The following SKAP1 variants were observed in gnomAD, a reference collection of about 807,000 sequenced individuals.
SKAP1 encodes src kinase associated phosphoprotein 1, also known as src kinase-associated phosphoprotein 1.
A neutral mutation model predicts 58.5 loss-of-function variants in SKAP1; 44 were observed. The observed-to-expected ratio is 0.75, with a 90% CI of 0.59 to 0.97. The LOEUF is 0.97. SKAP1 is among the 50% of genes least tolerant of loss of function. The pLI, the probability that SKAP1 is intolerant of heterozygous loss-of-function variation, is 0.00. For synonymous variants in SKAP1, 127 were observed against 149.7 expected (o/e 0.85, Z 1.11); for missense variants, 390 against 435.2 (o/e 0.90, Z 0.92).
At chr17:48,141,294 C>T (rs1344211430) in intron 11 of SKAP1, among the ~76,000 whole-genome samples, 1 of 152,250 alleles carries the variant, frequency 6.6e-6, no homozygotes, top group Non-Finnish European at 1.5e-5. Flanking sequence ...CAGCCAGACT[C>T]GCTCCCTACA....
At chr17:48,443,733 C>T in the SKAP1 span, among the ~76,000 whole-genome samples, 1 of 152,126 alleles carries the variant, frequency 6.6e-6, no homozygotes, top group Non-Finnish European at 1.5e-5. Context: ...ACCTTGGCCT[C>T]CCAAAATGTT....
intron 2 of SKAP1, among the ~76,000 whole-genome samples, chr17:48,393,798 T>C (rs1164998186): frequency 6.6e-6 from 1 of 152,150 alleles, no homozygotes; most frequent in Non-Finnish European, 1.5e-5. Flanking sequence ...ATAATTTACA[T>C]TTATCTAGTA....
intron 11 of SKAP1, among the ~76,000 whole-genome samples, chr17:48,144,387 T>G (rs1252827805): frequency 1.3e-5 from 2 of 152,192 alleles, no homozygotes; most frequent in Non-Finnish European, 2.9e-5. Flanking sequence ...AATTTCTACT[T>G]TGATGAATTG....
intron 4 of SKAP1, among the ~76,000 whole-genome samples, chr17:48,264,782 A>ACACACACACACACACACACACACACAC (rs1555609823): frequency 6.8e-6 from 1 of 146,972 alleles, no homozygotes; most frequent in Non-Finnish European, 1.5e-5. Flanking sequence ...ACACACACAC[A>ACACACACACACACACACACACACACAC]CCCTCCATCT....
intron 1 of SKAP1, among the ~76,000 whole-genome samples, chr17:48,421,656 T>C (rs553169799): frequency 6.6e-6 from 1 of 152,284 alleles, no homozygotes; most frequent in Non-Finnish European, 1.5e-5. Flanking sequence ...TTTCCTGATA[T>C]GCTCAGTCAT....
chr17:48,197,948 C>T (rs8071262), intron 4 of SKAP1, among the ~76,000 whole-genome samples: 126,453 of 152,138 alleles, frequency 0.83, 52,621 homozygotes, highest in East Asian at 0.95. Context: ...ATGAAAGTGT[C>T]AGGAAAAAGC....
At chr17:48,217,524 G>A (rs1399077933) in intron 4 of SKAP1, among the ~76,000 whole-genome samples, 1 of 152,146 alleles carries the variant, frequency 6.6e-6, no homozygotes, top group Non-Finnish European at 1.5e-5. Context: ...GTGTGCACCT[G>A]TAGTCCCAGC....
chr17:48,164,660 C>T (rs1227033826), intron 10 of SKAP1, among the ~76,000 whole-genome samples: 1 of 152,022 alleles, frequency 6.6e-6, no homozygotes, highest in African/African-American at 2.4e-5. Context: ...TATTAAAGGC[C>T]AAAAGAAGAC....
chr17:48,270,186 T>C (rs991362355), intron 4 of SKAP1, among the ~76,000 whole-genome samples: 3 of 152,188 alleles, frequency 2.0e-5, no homozygotes, highest in African/African-American at 7.2e-5. Flanking sequence ...TTAAACGATA[T>C]GGAAAACATA....
intron 1 of SKAP1, among the ~76,000 whole-genome samples, chr17:48,401,143 T>C (rs541160190): frequency 3.4e-4 from 52 of 152,082 alleles, no homozygotes; most frequent in African/African-American, 1.3e-3. Flanking sequence ...CTGTCTCTAC[T>C]AAAAATACAA....
chr17:48,355,398 C>A (rs920981893), intron 3 of SKAP1, among the ~76,000 whole-genome samples: 1 of 152,154 alleles, frequency 6.6e-6, no homozygotes, highest in Non-Finnish European at 1.5e-5. Context: ...CCACCCCAAC[C>A]TCCAAAGTAG....
intron 4 of SKAP1, among the ~76,000 whole-genome samples, chr17:48,250,110 C>A (rs1339891224): frequency 6.6e-6 from 1 of 150,402 alleles, no homozygotes; most frequent in Non-Finnish European, 1.5e-5. Flanking sequence ...TCATTTACTG[C>A]AATTTCATAA....
intron 11 of SKAP1, among the ~76,000 whole-genome samples, chr17:48,137,622 G>T (rs2063717366): frequency 6.6e-6 from 1 of 152,170 alleles, no homozygotes; most frequent in Admixed American, 6.5e-5. Context: ...GAATGGTATG[G>T]CTTCTTAGAG....
intron 4 of SKAP1, among the ~76,000 whole-genome samples, chr17:48,270,329 A>T (rs1052622868): frequency 1.1e-4 from 17 of 152,082 alleles, no homozygotes; most frequent in African/African-American, 2.9e-4. Context: ...AAAATTTTTT[A>T]AATTAATTTA....
chr17:48,282,148 T>C (rs541617908), intron 4 of SKAP1, among the ~76,000 whole-genome samples: 3 of 152,368 alleles, frequency 2.0e-5, no homozygotes, highest in African/African-American at 7.2e-5. Context: ...TAATACTTTC[T>C]TTTATGCCTT....
intron 11 of SKAP1, among the ~76,000 whole-genome samples, chr17:48,162,059 G>A (rs568033381): frequency 2.6e-5 from 4 of 152,098 alleles, no homozygotes; most frequent in African/African-American, 4.8e-5. Flanking sequence ...TCCGCCTCCC[G>A]GGTTCAAGCA....
chr17:48,138,517 G>GC (rs2063730496), intron 11 of SKAP1, among the ~76,000 whole-genome samples: 1 of 151,796 alleles, frequency 6.6e-6, no homozygotes, highest in Non-Finnish European at 1.5e-5. Context: ...TTACAGGCGC[G>GC]CACCACCACG....
intron 4 of SKAP1, among the ~76,000 whole-genome samples, chr17:48,327,422 G>C (rs540104736): frequency 5.3e-5 from 8 of 152,114 alleles, no homozygotes; most frequent in Admixed American, 1.3e-4. Context: ...TTCAGACCAG[G>C]GTTCCAATAC....
At chr17:48,247,258 C>T (rs996531129) in intron 4 of SKAP1, among the ~76,000 whole-genome samples, 19 of 152,168 alleles carry the variant, frequency 1.2e-4, no homozygotes, top group African/African-American at 4.6e-4. Flanking sequence ...TTGGGAAGAC[C>T]TGTATACAGC....
Sources: allele counts gnomAD v4.1 joint callset (sites outside exome capture counted in the v4.1 genomes callset), GRCh38; gene constraint gnomAD v4.1.1; transcripts MANE v1.5; gene names NCBI Gene and HGNC (gene_info 2026-07-23, HGNC 2026-07-21).